SLC17A1: variants seen among roughly 807,000 people sequenced by gnomAD.
The protein encoded by SLC17A1 is solute carrier family 17 member 1.
SLC17A1 carries 51 observed loss-of-function variants against 53.5 expected under a neutral mutation model. The observed-to-expected ratio is 0.95, with a 90% CI of 0.76 to 1.20. The LOEUF (loss-of-function observed/expected upper bound fraction) is 1.20, where lower values mean the gene tolerates loss of function less well. Ranked by LOEUF, SLC17A1 falls within the 50% of genes most tolerant of loss-of-function variation. SLC17A1 has a pLI of 0.00. For synonymous variants in SLC17A1, 179 were observed against 198.8 expected (o/e 0.90, Z 0.84); for missense variants, 538 against 568.2 (o/e 0.95, Z 0.54).
the SLC17A1 span, among the ~76,000 whole-genome samples, chr6:25,752,439 G>A: frequency 6.6e-6 from 1 of 152,222 alleles, no homozygotes; most frequent in African/African-American, 2.4e-5. Context: ...GTGAGGCAGT[G>A]AGTGAATGTG....
the SLC17A1 span, among the ~76,000 whole-genome samples, chr6:25,765,829 A>G: frequency 6.6e-6 from 1 of 152,146 alleles, no homozygotes; most frequent in Non-Finnish European, 1.5e-5. Context: ...GACAACTTAT[A>G]GAAAATAATG....
chr6:25,740,120 A>T, the SLC17A1 span, among the ~76,000 whole-genome samples: 1 of 152,216 alleles, frequency 6.6e-6, no homozygotes, highest in Non-Finnish European at 1.5e-5. Flanking sequence ...AGTATAACTC[A>T]TATCCATTAG....
At chr6:25,810,398 AC>A (rs1764111943) in intron 10 of SLC17A1, among the ~76,000 whole-genome samples, 1 of 152,128 alleles carries the variant, frequency 6.6e-6, no homozygotes, top group African/African-American at 2.4e-5. Context: ...AATACAAGGA[AC>A]TCAAACTCAA....
At chr6:25,726,231 G>A in the SLC17A1 span, 32 of 1,613,224 alleles carry the variant, frequency 2.0e-5, no homozygotes, top group Admixed American at 1.8e-4. Flanking sequence ...TGGTCACGCC[G>A]CCCAAAAGCT....
chr6:25,775,576 C>T, the SLC17A1 span, among the ~76,000 whole-genome samples: 1 of 152,018 alleles, frequency 6.6e-6, no homozygotes, highest in Non-Finnish European at 1.5e-5. Context: ...GCTGGGACCA[C>T]AGGCGTGTAC....
At position 25,813,188 on chromosome 6, in the gene SLC17A1, A is replaced by G; in HGVS notation, c.642T>C (p.Leu214=). The G allele has an allele frequency of 6.2e-7, 1 of 1,614,152 alleles. No homozygotes were observed. The highest frequency in any genetic ancestry group is 1.1e-5 in the South Asian group (1 of 91,078). ...IFGACGCAVC[L]LWFVLFYDDP... is the part of the protein sequence containing the mutation. ...CATCATAAAACAGAACGAACCAGAG[A>G]AGACATACGGCACAGCCACAAGCAC... is the stretch of plus-strand genomic sequence containing the variant. Residue 214 remains leucine, a synonymous_variant, in exon 7 of 13, where the codon CTT becomes CTC. Transcript: ENST00000244527.
chr6:25,745,991 A>G, the SLC17A1 span, among the ~76,000 whole-genome samples: 2 of 152,226 alleles, frequency 1.3e-5, no homozygotes, highest in African/African-American at 2.4e-5. Flanking sequence ...CTTGGAAGTA[A>G]ATTCACATAT....
the SLC17A1 span, chr6:25,727,176 A>G: frequency 1.2e-6 from 2 of 1,614,186 alleles, no homozygotes; most frequent in Non-Finnish European, 1.7e-6. Flanking sequence ...CAAGCGCTCC[A>G]CCATTTCTTC....
At chr6:25,830,477 A>G in intron 2 of SLC17A1, 47 bp downstream of exon 2, 1 of 1,360,060 alleles carries the variant, frequency 7.4e-7, no homozygotes, top group Middle Eastern at 1.8e-4. Context: ...GTGATGTAAT[A>G]TTTAAGAAAA....
chr6:25,792,498 T>A (rs892971313), intron 12 of SLC17A1, among the ~76,000 whole-genome samples: 67 of 152,278 alleles, frequency 4.4e-4, no homozygotes, highest in Admixed American at 4.1e-3. Flanking sequence ...CTAGCCTGTT[T>A]TAACAACTGT....
At chr6:25,733,476 T>C in the SLC17A1 span, among the ~76,000 whole-genome samples, 1 of 152,104 alleles carries the variant, frequency 6.6e-6, no homozygotes, top group Non-Finnish European at 1.5e-5. Context: ...TTCCGAGAAT[T>C]CTAGGATGGT....
rs115756118 is a variant in SLC17A1, at chr6:25,792,683, C to T, written c.*2+6100G>A. ...CTACCCCATCCTCCTCCTTGTCAAGCTTTCCAATCTCGTAATAAACACTCT... is the reference window on the plus strand; with the variant it reads ...CTACCCCATCCTCCTCCTTGTCAAGTTTTCCAATCTCGTAATAAACACTCT... On this transcript the variant is annotated intron_variant, in intron 12 of 12. Coordinates refer to ENST00000244527, the MANE Select transcript of SLC17A1 (RefSeq NM_005074.5). Among the ~76,000 whole-genome samples the T allele has an allele frequency of 6.0e-3, 913 of 152,326 alleles. 2 individuals are homozygous for T. Among genetic ancestry groups the T allele is most frequent in the Non-Finnish European group, 9.5e-3 (644 of 68,022 alleles).
chr6:25,828,137 TAG>T (rs1254321581), intron 2 of SLC17A1, among the ~76,000 whole-genome samples: 2 of 152,184 alleles, frequency 1.3e-5, no homozygotes, highest in Non-Finnish European at 2.9e-5. Flanking sequence ...GATAAAGCTA[TAG>T]ACATTCCAGT....
downstream of SLC17A1, among the ~76,000 whole-genome samples, chr6:25,781,715 T>A (rs1203834262): frequency 2.0e-5 from 3 of 151,976 alleles, 1 homozygote; most frequent in Non-Finnish European, 4.4e-5. Flanking sequence ...GTGCCAGGTT[T>A]TTTTAAAACA....
At chr6:25,805,503 A>G (rs535857437) in intron 10 of SLC17A1, among the ~76,000 whole-genome samples, 26 of 152,076 alleles carry the variant, frequency 1.7e-4, no homozygotes, top group African/African-American at 6.3e-4. Flanking sequence ...CCAAAGCTAG[A>G]AGAAGAAAGG....
At chr6:25,733,381 G>A in the SLC17A1 span, among the ~76,000 whole-genome samples, 1 of 152,252 alleles carries the variant, frequency 6.6e-6, no homozygotes, top group South Asian at 2.1e-4. Flanking sequence ...TGTTGGGAGA[G>A]CATGACTGTA....
downstream of SLC17A1, chr6:25,778,000 G>C (rs781229952): frequency 3.1e-6 from 5 of 1,612,224 alleles, no homozygotes; most frequent in Non-Finnish European, 4.2e-6. Flanking sequence ...ACTGCTGCTG[G>C]ATTTTTCATC....
the SLC17A1 span, among the ~76,000 whole-genome samples, chr6:25,763,798 G>C: frequency 1.3e-5 from 2 of 152,202 alleles, no homozygotes; most frequent in Non-Finnish European, 2.9e-5. Flanking sequence ...GGGATTTCTG[G>C]GGCCAGGCTG....
the SLC17A1 span, chr6:25,777,713 G>A: frequency 7.8e-6 from 4 of 514,876 alleles, no homozygotes; most frequent in Middle Eastern, 4.4e-4. Flanking sequence ...CCCTAGCACA[G>A]GATTATACTA....
Sources: gnomAD v4.1 joint callset for allele counts (sites outside exome capture counted in the v4.1 genomes callset) on GRCh38, gnomAD v4.1.1 for gene constraint, MANE v1.5 for transcripts, NCBI Gene and HGNC (gene_info 2026-07-23, HGNC 2026-07-21) for gene names.